The following PHF24 variants were observed in gnomAD, a reference collection of about 807,000 sequenced individuals.
PHF24 encodes the protein Galpha inhibitory interacting protein.
In PHF24, 25 loss-of-function variants were observed where a neutral mutation model predicts 42.6. The observed-to-expected ratio is 0.59, with a 90% CI of 0.43 to 0.82. The LOEUF (loss-of-function observed/expected upper bound fraction) is 0.82, where lower values mean the gene tolerates loss of function less well. Ranked by LOEUF, PHF24 falls within the 40% of genes least tolerant of loss-of-function variation. PHF24 has a pLI of 0.00. For synonymous variants in PHF24, 185 were observed against 204.8 expected (o/e 0.90, Z 0.83); for missense variants, 470 against 538.1 (o/e 0.87, Z 1.25).
chr9:34,793,485 T>C, the PHF24 span, among the ~76,000 whole-genome samples: 1 of 152,318 alleles, frequency 6.6e-6, no homozygotes, highest in Admixed American at 6.5e-5. Flanking sequence ...CTGAAAAACC[T>C]GGACAGAAAA....
At chr9:34,943,338 G>A in the PHF24 span, among the ~76,000 whole-genome samples, 1 of 152,112 alleles carries the variant, frequency 6.6e-6, no homozygotes, top group Non-Finnish European at 1.5e-5. Flanking sequence ...TACCTCACAG[G>A]CTAAGAACCC....
chr9:34,828,395 G>C, the PHF24 span, among the ~76,000 whole-genome samples: 1 of 151,986 alleles, frequency 6.6e-6, no homozygotes, highest in Non-Finnish European at 1.5e-5. Context: ...CCTCTCAACT[G>C]AATCTTTCCC....
chr9:34,922,283 G>A, the PHF24 span: 3 of 1,592,862 alleles, frequency 1.9e-6, no homozygotes, highest in Non-Finnish European at 2.6e-6. Flanking sequence ...TTAGTGTGCT[G>A]TCTTTGGATG....
the PHF24 span, chr9:34,665,639 G>A: frequency 2.9e-6 from 2 of 700,406 alleles, no homozygotes; most frequent in East Asian, 2.7e-5. Flanking sequence ...GCGCCACCTC[G>A]TATCTCCTCA....
At chr9:34,675,131 T>G in the PHF24 span, among the ~76,000 whole-genome samples, 16 of 152,090 alleles carry the variant, frequency 1.1e-4, no homozygotes, top group African/African-American at 3.9e-4. Context: ...GTGCTAGGAG[T>G]ATAGGTGTGA....
the PHF24 span, among the ~76,000 whole-genome samples, chr9:34,782,814 G>A: frequency 6.6e-6 from 1 of 152,150 alleles, no homozygotes; most frequent in Non-Finnish European, 1.5e-5. Flanking sequence ...GGTAGGGTTT[G>A]GGGATGGGGT....
At chr9:34,782,581 G>A in the PHF24 span, among the ~76,000 whole-genome samples, 3 of 152,176 alleles carry the variant, frequency 2.0e-5, no homozygotes, top group African/African-American at 7.2e-5. Flanking sequence ...GAGAGCAAGA[G>A]CATGAAGTGG....
chr9:34,952,975 AATAG>A (rs1367708765), upstream of PHF24, among the ~76,000 whole-genome samples: 2 of 152,240 alleles, frequency 1.3e-5, no homozygotes, highest in Non-Finnish European at 2.9e-5. Flanking sequence ...ATTAATTAAA[AATAG>A]ATCATAAACC....
the PHF24 span, among the ~76,000 whole-genome samples, chr9:34,676,496 C>G: frequency 4.6e-5 from 7 of 152,176 alleles, no homozygotes. Context: ...GCACTCCAGT[C>G]TGGGCAACAG....
At chr9:34,800,075 C>G in the PHF24 span, among the ~76,000 whole-genome samples, 1 of 145,700 alleles carries the variant, frequency 6.9e-6, no homozygotes, top group Non-Finnish European at 1.5e-5. Context: ...AAAGCTCTGA[C>G]TTCACCACTA....
chr9:34,941,491 C>G, the PHF24 span, among the ~76,000 whole-genome samples: 72 of 152,248 alleles, frequency 4.7e-4, no homozygotes, highest in Non-Finnish European at 8.2e-4. Flanking sequence ...AAAGACAAAC[C>G]CATACCCAGA....
the PHF24 span, among the ~76,000 whole-genome samples, chr9:34,694,424 G>A: frequency 6.6e-6 from 1 of 151,860 alleles, no homozygotes; most frequent in Non-Finnish European, 1.5e-5. Flanking sequence ...TCCGCCTCCT[G>A]GGTTCAAGCG....
At chr9:34,744,460 A>G in the PHF24 span, among the ~76,000 whole-genome samples, 4 of 152,210 alleles carry the variant, frequency 2.6e-5, no homozygotes, top group Non-Finnish European at 5.9e-5. Context: ...TCAGTGCTGC[A>G]TACTCAGAAG....
At chr9:34,783,727 C>T in the PHF24 span, among the ~76,000 whole-genome samples, 5 of 152,282 alleles carry the variant, frequency 3.3e-5, 1 homozygote, top group East Asian at 7.7e-4. Flanking sequence ...TTATTTCCTA[C>T]AGATTACAGA....
the PHF24 span, among the ~76,000 whole-genome samples, chr9:34,916,262 T>G: frequency 1.3e-5 from 2 of 152,030 alleles, no homozygotes; most frequent in African/African-American, 4.8e-5. Context: ...TTTGAGAAAC[T>G]TCCCCCTCCC....
chr9:34,848,790 G>C, the PHF24 span, among the ~76,000 whole-genome samples: 1 of 151,754 alleles, frequency 6.6e-6, no homozygotes, highest in East Asian at 1.9e-4. Flanking sequence ...CAGAGATTCT[G>C]GTATGTTATG....
chr9:34,691,182 CA>C, the PHF24 span: 2 of 1,595,272 alleles, frequency 1.3e-6, no homozygotes, highest in South Asian at 2.2e-5. Context: ...GTGTGAGCGC[CA>C]GCTGTCTGGG....
chr9:34,727,087 A>G, the PHF24 span: 1 of 1,461,836 alleles, frequency 6.8e-7, no homozygotes. Flanking sequence ...AGTCCTGAAA[A>G]CCCTGGGGCC....
chr9:34,907,682 C>G, the PHF24 span, among the ~76,000 whole-genome samples: 6 of 152,078 alleles, frequency 3.9e-5, no homozygotes, highest in Non-Finnish European at 7.4e-5. Context: ...ATCCATTGCA[C>G]TCTATCTCTT....
Sources: allele counts gnomAD v4.1 joint callset (sites outside exome capture counted in the v4.1 genomes callset), GRCh38; gene constraint gnomAD v4.1.1; transcripts MANE v1.5; gene names NCBI Gene and HGNC (gene_info 2026-07-23, HGNC 2026-07-21).